The following INO80 variants were observed in gnomAD, a reference collection of about 807,000 sequenced individuals.
INO80 encodes chromatin-remodeling ATPase INO80.
In INO80, 20 loss-of-function variants were observed where a neutral mutation model predicts 203.4. That is an observed-to-expected ratio of 0.10 (90% confidence interval 0.07 to 0.14). The LOEUF (loss-of-function observed/expected upper bound fraction) is 0.14, where lower values mean the gene tolerates loss of function less well. Ranked by LOEUF, INO80 falls within the 10% of genes least tolerant of loss-of-function variation. INO80 has a pLI of 1.00. For missense variants in INO80, 1,419 were observed against 1,914.4 expected (o/e 0.74, Z 4.83); for synonymous variants, 726 against 685.2 (o/e 1.06, Z -0.93).
At position 41,096,452 on chromosome 15, in the gene INO80, GAAC is replaced by G. The variant is rs796468973; in HGVS notation, c.-43-102_-43-100del. The G allele has an allele frequency of 2.3e-5, 18 of 776,242 alleles. No individual in the cohort carries two copies. In the African/African-American group the frequency reaches 3.1e-4, roughly 13 times the overall value. 48.1% of individuals were successfully genotyped at this position (776,242 alleles called of 1,614,324 possible). On this transcript the variant is annotated intron_variant, in intron 1 of 35. Coordinates refer to ENST00000648947, the MANE Select transcript of INO80 (RefSeq NM_017553.3). ...ATGTGAAGAGAAATCAGACCTTCTA[GAAC>G]ACAAGACACTGAAAAGACAGGAGTC...
chr15:41,000,706 C>CAAAAAAAAA (rs58232890), intron 28 of INO80, among the ~76,000 whole-genome samples: 95 of 56,422 alleles, frequency 1.7e-3, no homozygotes, highest in East Asian at 3.6e-3. Flanking sequence ...CACCCTGTCT[C>CAAAAAAAAA]AAAAAAAAAA....
In INO80 at chr15:41,095,613, T is replaced by C. The variant is rs140830346; in HGVS notation, c.369A>G (p.Arg123=). 14 of 1,609,228 alleles carry C rather than the reference T, an allele frequency of 8.7e-6. No homozygotes were observed. In the African/African-American group the frequency reaches 1.7e-4, roughly 20 times the overall value. ...LYNFSKLKKS[R]KWLKSILLSD... is the part of the protein sequence containing the mutation. ...CTTTATCTCTTACCTTTAGCCACTTTCTGCTTTTCTTCAGCTTAGAGAAAT... is the reference window on the plus strand; with the variant it reads ...CTTTATCTCTTACCTTTAGCCACTTCCTGCTTTTCTTCAGCTTAGAGAAAT... The change falls in exon 4 of 36, where the codon AGA becomes AGG. Residue 123 remains arginine (R), a synonymous_variant. Transcript: ENST00000648947.
chr15:41,050,881 C>A (rs1313902189), intron 19 of INO80, among the ~76,000 whole-genome samples: 1 of 152,150 alleles, frequency 6.6e-6, no homozygotes, highest in Non-Finnish European at 1.5e-5. Context: ...CGCCTGTAAT[C>A]CCAGGACTTT....
chr15:41,027,734 A>G lies in INO80; in HGVS notation c.2910T>C (p.Ser970=), dbSNP rs773824347. 5.7e-6 allele frequency: 9 copies of G among 1,571,386 alleles called. No homozygotes were observed. In the Admixed American group the frequency reaches 1.6e-4, roughly 27 times the overall value. The stretch of plus-strand genomic sequence containing the variant: ...CTTTACAGTGGCTGCTGAAAACAAG[A>G]GACTGCAAAATAAAAATGCAAATGA... ...PNLCSCPLLK[S]LVFSSHCKAV... Residue 970 remains serine (S), a splice_region_variant and synonymous_variant, in exon 25 of 36, where the codon TCT becomes TCC. Transcript: ENST00000648947.
intron 8 of INO80, 77 bp downstream of exon 8, chr15:41,080,943 G>A: frequency 1.1e-6 from 1 of 891,392 alleles, no homozygotes. Flanking sequence ...ACGGACAAGA[G>A]CAGCAAGATG....
chr15:41,051,528 T>C (rs889595167), intron 19 of INO80, among the ~76,000 whole-genome samples: 1 of 151,054 alleles, frequency 6.6e-6, no homozygotes, highest in African/African-American at 2.4e-5. Context: ...AATCATGAAC[T>C]AGCTGGGTGC....
Position 41,085,390 on chromosome 15 carries a change from A to T in INO80, c.852T>A (p.Ile284=). Residue 284 remains isoleucine, a synonymous_variant, in exon 7 of 36, where the codon ATT becomes ATA. Transcript: ENST00000648947. ...TTACCTTTGGTAGTTCCTTTTTCAC[A>T]ATGCTGAGCCATACTTTCCTGCGAC... The part of the protein sequence containing the change: ...NARRRKVWLS[I]VKKELPKANK... 6.2e-7 allele frequency: 1 copy of T among 1,614,060 alleles called. No homozygotes were observed. The highest frequency in any genetic ancestry group is 2.2e-5 in the East Asian group (1 of 44,880).
At chr15:41,059,950 A>C in intron 14 of INO80, 24 bp from the exon 15 acceptor site, 2 of 1,411,550 alleles carry the variant, frequency 1.4e-6, no homozygotes, top group Admixed American at 1.9e-5. Context: ...CAATATATAC[A>C]TTACTTTCTA....
At chr15:40,999,903 C>T (rs975445930) in intron 28 of INO80, among the ~76,000 whole-genome samples, 6 of 152,008 alleles carry the variant, frequency 3.9e-5, no homozygotes, top group Non-Finnish European at 8.8e-5. Context: ...TCAGCTTGGG[C>T]AATACAGAAA....
At chr15:41,042,294 G>C (rs1420778424) in intron 24 of INO80, among the ~76,000 whole-genome samples, 2 of 152,046 alleles carry the variant, frequency 1.3e-5, no homozygotes, top group African/African-American at 4.8e-5. Flanking sequence ...GATTACAAGG[G>C]TAAGCCACCA....
chr15:41,016,264 A>T (rs1047207762), intron 26 of INO80, 49 bp from the exon 27 acceptor site: 1 of 1,585,400 alleles, frequency 6.3e-7, no homozygotes. Context: ...AATTGAAGCG[A>T]CAAAATCACT....
At chr15:41,075,522 T>C (rs1486632182) in intron 9 of INO80, among the ~76,000 whole-genome samples, 3 of 152,184 alleles carry the variant, frequency 2.0e-5, no homozygotes, top group Non-Finnish European at 4.4e-5. Flanking sequence ...TGGCGTGATC[T>C]TGGCTAACTG....
intron 19 of INO80, among the ~76,000 whole-genome samples, chr15:41,050,453 T>C (rs1032138181): frequency 2.6e-5 from 4 of 152,338 alleles, no homozygotes; most frequent in African/African-American, 9.6e-5. Context: ...TCTGCAGCAA[T>C]GGCATATGTG....
rs1435952663 is a variant in INO80 at position 40,997,610 on chromosome 15, A to G, written c.3498-9T>C. ...ACACAAAGATGTCATTCCTGCAGAA[A>G]AGGGAGAGATATGTTAAAGGAAAAA... On this transcript the variant is annotated splice_polypyrimidine_tract_variant and intron_variant, in intron 28 of 35. Coordinates refer to ENST00000648947, the MANE Select transcript of INO80 (RefSeq NM_017553.3). 4 of 1,601,222 alleles carry G rather than the reference A, an allele frequency of 2.5e-6. No individual in the cohort carries two copies. In the Admixed American group the frequency reaches 5.0e-5, roughly 20 times the overall value.
At chr15:41,067,556 T>A (rs2045242489) in intron 14 of INO80, among the ~76,000 whole-genome samples, 1 of 152,146 alleles carries the variant, frequency 6.6e-6, no homozygotes, top group Admixed American at 6.6e-5. Context: ...GTCAGTCAAA[T>A]TAAAAGCTAT....
chr15:41,068,095 G>A (rs532761993), intron 14 of INO80, among the ~76,000 whole-genome samples: 4 of 152,210 alleles, frequency 2.6e-5, no homozygotes, highest in African/African-American at 7.2e-5. Context: ...TTATAAGCTG[G>A]ACTAAGACTA....
At chr15:41,038,011 CTTTT>C (rs748525965) in intron 24 of INO80, among the ~76,000 whole-genome samples, 39 of 89,790 alleles carry the variant, frequency 4.3e-4, no homozygotes, top group African/African-American at 1.6e-3. Context: ...CTTCCCTTTT[CTTTT>C]TTTTTTTTTT....
At chr15:41,042,598 C>A (rs1439018498) in intron 24 of INO80, among the ~76,000 whole-genome samples, 1 of 151,724 alleles carries the variant, frequency 6.6e-6, no homozygotes, top group African/African-American at 2.4e-5. Flanking sequence ...CTCAGCCTCC[C>A]GAGTAGCTGG....
At chr15:41,106,968 G>A (rs1055757118) in intron 1 of INO80, among the ~76,000 whole-genome samples, 1 of 152,148 alleles carries the variant, frequency 6.6e-6, no homozygotes, top group Non-Finnish European at 1.5e-5. Context: ...TATCAGAATT[G>A]TTAACCTCTG....
Sources: allele counts gnomAD v4.1 joint callset (sites outside exome capture counted in the v4.1 genomes callset), GRCh38; gene constraint gnomAD v4.1.1; transcripts MANE v1.5; gene names NCBI Gene and HGNC (gene_info 2026-07-23, HGNC 2026-07-21).